The following CFH variants were observed in gnomAD, a reference collection of about 807,000 sequenced individuals.
The protein encoded by CFH is complement factor H.
Under a neutral mutation model 147.3 loss-of-function variants are expected in CFH, and 53 were observed. The ratio of observed to expected loss-of-function variants is 0.36; its 90% CI spans 0.29 to 0.45. The LOEUF is 0.45. Among genes scored for constraint, CFH ranks in the 20% least tolerant of loss-of-function variants. CFH has a pLI of 1.00. For missense variants in CFH, 1,380 were observed against 1,498.0 expected (o/e 0.92, Z 1.30); for synonymous variants, 536 against 489.4 (o/e 1.10, Z -1.26).
intron 3 of CFH, among the ~76,000 whole-genome samples, chr1:196,674,267 G>A (rs114625862): frequency 9.1e-4 from 139 of 152,246 alleles, no homozygotes; most frequent in African/African-American, 3.3e-3. Context: ...TTTGTGCAGA[G>A]TATCATGGGA....
chr1:196,658,066 A>G (rs1474935523), intron 1 of CFH, among the ~76,000 whole-genome samples: 1 of 152,166 alleles, frequency 6.6e-6, no homozygotes, highest in Non-Finnish European at 1.5e-5. Flanking sequence ...TAAAATTTGA[A>G]AGTGAAAAAA....
At chr1:196,721,839 CT>C (rs1201910001) in intron 11 of CFH, among the ~76,000 whole-genome samples, 5 of 149,976 alleles carry the variant, frequency 3.3e-5, no homozygotes, top group South Asian at 2.1e-4. Flanking sequence ...GATTTGAAAT[CT>C]TTTTTTATAT....
chr1:196,667,993 T>C (rs1667154460), intron 1 of CFH, among the ~76,000 whole-genome samples: 1 of 152,152 alleles, frequency 6.6e-6, no homozygotes, highest in Non-Finnish European at 1.5e-5. Context: ...TTGCTACTAT[T>C]GTTTCATATT....
At position 196,705,617 on chromosome 1, in the gene CFH, T is replaced by C. The variant is rs561178864; in HGVS notation, c.1337-8118T>C. Among the ~76,000 whole-genome samples the C allele has an allele frequency of 1.6e-4, 25 of 152,310 alleles. No homozygotes were observed. In the South Asian group the frequency reaches 5.2e-3, roughly 32 times the overall value. On this transcript the variant is annotated intron_variant, in intron 9 of 21. Coordinates refer to ENST00000367429, the MANE Select transcript of CFH (RefSeq NM_000186.4). ...AGAGAAGGGATGGGTTTAGGAGTAG[T>C]AACCCAAGACTTGGGGAATATCATG...
chr1:196,668,670 T>C (rs1267486956), intron 1 of CFH, among the ~76,000 whole-genome samples: 1 of 152,188 alleles, frequency 6.6e-6, no homozygotes, highest in Non-Finnish European at 1.5e-5. Flanking sequence ...CTTGCACTTC[T>C]CTCTCCTGCT....
Position 196,689,568 on chromosome 1 carries a change from C to T in CFH, c.1113C>T (p.His371=), listed in dbSNP as rs1667953664. The change falls in exon 8 of 22, where the codon CAC becomes CAT. Residue 371 remains histidine, a synonymous_variant. Coordinates refer to ENST00000367429, the MANE Select transcript of CFH (RefSeq NM_000186.4). The part of the protein sequence containing the change: ...FETPSGSYWD[H]IHCTQDGWSP... ...CTCCGTCAGGAAGTTACTGGGATCA[C>T]ATTCATTGCACACAAGATGGATGGT... 5 of 1,613,548 alleles carry T rather than the reference C, an allele frequency of 3.1e-6. No homozygotes were observed. The highest frequency in any genetic ancestry group is 4.2e-6 in the Non-Finnish European group (5 of 1,179,686).
chr1:196,736,194 T>C (rs1251587078), intron 15 of CFH, among the ~76,000 whole-genome samples: 1 of 152,130 alleles, frequency 6.6e-6, no homozygotes, highest in Non-Finnish European at 1.5e-5. Context: ...TGCATTAAAC[T>C]GGGTGCATAA....
intron 6 of CFH, among the ~76,000 whole-genome samples, chr1:196,682,892 G>A (rs1002159117): frequency 1.3e-5 from 2 of 151,500 alleles, no homozygotes; most frequent in South Asian, 2.1e-4. Flanking sequence ...CTGTCAGAAC[G>A]AAGTATAAAC....
chr1:196,695,551 T>C (rs1201343316), intron 9 of CFH, among the ~76,000 whole-genome samples: 1 of 152,186 alleles, frequency 6.6e-6, no homozygotes, highest in African/African-American at 2.4e-5. Context: ...AGAAAGATAA[T>C]GATAGCTAGA....
At chr1:196,722,528 T>C (rs1438949359) in intron 11 of CFH, among the ~76,000 whole-genome samples, 1 of 152,130 alleles carries the variant, frequency 6.6e-6, no homozygotes, top group African/African-American at 2.4e-5. Flanking sequence ...TTTTTCCCGT[T>C]CACATTGACT....
chr1:196,740,930 A>G (rs1652788958), intron 18 of CFH, 138 bp downstream of exon 18: 1 of 857,806 alleles, frequency 1.2e-6, no homozygotes, highest in African/African-American at 1.7e-5. Flanking sequence ...GTGGGAAATT[A>G]TAGCTGTAGT....
chr1:196,727,679 CT>C (rs992132357), intron 14 of CFH, among the ~76,000 whole-genome samples: 5 of 152,150 alleles, frequency 3.3e-5, no homozygotes, highest in African/African-American at 1.2e-4. Flanking sequence ...CCATAGGATT[CT>C]TTTCTCTCTT....
chr1:196,736,020 C>T (rs1245950356), intron 15 of CFH, among the ~76,000 whole-genome samples: 3 of 151,858 alleles, frequency 2.0e-5, no homozygotes, highest in Non-Finnish European at 4.4e-5. Flanking sequence ...TAGAATGCTC[C>T]CAGATGCTTC....
In CFH at chr1:196,745,880, T is replaced by C. The variant is rs1382619052; in HGVS notation, c.3374T>C (p.Leu1125Ser). ...IDNGDITSFP[L>S]SVYAPASSVE... ...AATGGGGACATTACTTCATTCCCGT[T>C]GTCAGTATATGCTCCAGCTTCATCA... The change falls in exon 21 of 22, where the codon TTG (leucine) becomes TCG (serine). Residue 1125 changes from leucine to serine, a missense_variant. Transcript: ENST00000367429. The C allele has an allele frequency of 6.2e-7, 1 of 1,614,028 alleles. No individual in the cohort carries two copies. The highest frequency in any genetic ancestry group is 1.3e-5 in the African/African-American group (1 of 74,918).
intron 17 of CFH, among the ~76,000 whole-genome samples, chr1:196,738,056 AAGG>A (rs946421689): frequency 3.9e-4 from 59 of 152,228 alleles, no homozygotes; most frequent in African/African-American, 1.4e-3. Context: ...TGAAGACAGG[AAGG>A]AGAAGTTCTG....
intron 10 of CFH, among the ~76,000 whole-genome samples, chr1:196,714,664 T>G (rs866781408): frequency 0.085 from 2,644 of 30,940 alleles, 46 homozygotes; most frequent in East Asian, 0.092. Context: ...TATATATATA[T>G]ATATAGAGAG....
intron 11 of CFH, among the ~76,000 whole-genome samples, chr1:196,724,610 C>T (rs1558177999): frequency 6.6e-6 from 1 of 152,108 alleles, no homozygotes; most frequent in Non-Finnish European, 1.5e-5. Context: ...GCTTTGGCTT[C>T]TCTCCATGGT....
At chr1:196,714,487 T>C (rs569996344) in intron 10 of CFH, among the ~76,000 whole-genome samples, 87 of 150,806 alleles carry the variant, frequency 5.8e-4, no homozygotes, top group Non-Finnish European at 1.1e-3. Context: ...CCTACCACAC[T>C]ATCTAGATAT....
chr1:196,713,701 A>G (rs1211035310), intron 9 of CFH, 34 bp from the exon 10 acceptor site: 1 of 1,314,582 alleles, frequency 7.6e-7, no homozygotes. Context: ...TATTGATCAT[A>G]TGCTTGTCTT....
Sources: allele counts gnomAD v4.1 joint callset (sites outside exome capture counted in the v4.1 genomes callset), GRCh38; gene constraint gnomAD v4.1.1; transcripts MANE v1.5; gene names NCBI Gene and HGNC (gene_info 2026-07-23, HGNC 2026-07-21).